The following SEM1 variants were observed in gnomAD, a reference collection of about 807,000 sequenced individuals.
SEM1 encodes 26S proteasome complex subunit SEM1.
Under a neutral mutation model 12.7 loss-of-function variants are expected in SEM1, and 3 were observed. That is an observed-to-expected ratio of 0.24 (90% CI 0.11 to 0.61). SEM1 has a LOEUF of 0.61. SEM1 is among the 20% of genes least tolerant of loss of function. SEM1 has a pLI of 0.88. For synonymous variants in SEM1, 30 were observed against 27.8 expected, an observed-to-expected ratio of 1.08 and a Z score of -0.25; for missense variants, 59 against 81.3, an observed-to-expected ratio of 0.73 and a Z score of 1.06.
At chr7:96,555,965 G>C (rs1486993854) in intron 2 of SEM1, among the ~76,000 whole-genome samples, 1 of 141,932 alleles carries the variant, frequency 7.0e-6, no homozygotes, top group East Asian at 2.1e-4. Flanking sequence ...TGTCTTTTTT[G>C]ATCTTTGCTG....
At position 96,709,732 on chromosome 7, in the gene SEM1, C is replaced by T. The variant is rs1367714564; in HGVS notation, c.32G>A (p.Gly11Asp). 1.9e-6 allele frequency: 3 copies of T among 1,613,882 alleles called. No individual in the cohort carries two copies. The highest frequency in any genetic ancestry group is 1.1e-5 in the South Asian group (1 of 91,076). Residue 11 changes from glycine to aspartate, a missense_variant, in exon 1 of 3, where the codon GGT becomes GAT. Transcript: ENST00000248566. ...AAACTCGTCGTCTTCCTCTAACAGA[C>T]CTAAGTCTACCGGCTGCTTTTTCTC... is the stretch of plus-strand genomic sequence containing the variant. MSEKKQPVDL[G>D]LLEEDDEFEE... is the part of the protein sequence containing the mutation.
At position 96,581,513 on chromosome 7, in the gene SEM1, C is replaced by T. The variant is rs528259215; in HGVS notation, c.171-74815G>A. Reference sequence around the variant, plus strand: ...TTTTTTCCAATTCTGTGAAGAAAGTCATTGGTAGCTTGATGGGGATGACAT... The same window carrying T: ...TTTTTTCCAATTCTGTGAAGAAAGTTATTGGTAGCTTGATGGGGATGACAT... On this transcript the variant is annotated intron_variant and NMD_transcript_variant, in intron 2 of 3. Coordinates refer to the SEM1 transcript ENST00000466986. Among the ~76,000 whole-genome samples the T allele has an allele frequency of 2.7e-3, 409 of 152,090 alleles. 1 individual carries two copies. Among genetic ancestry groups the T allele is most frequent in the African/African-American group, 9.3e-3 (386 of 41,424 alleles).
At chr7:96,604,734 C>T (rs1807293556) in intron 2 of SEM1, among the ~76,000 whole-genome samples, 1 of 151,966 alleles carries the variant, frequency 6.6e-6, no homozygotes, top group Admixed American at 6.6e-5. Flanking sequence ...GCCTGGCCAA[C>T]ATGGTGAAAC....
rs764629654 is a variant in SEM1, at chr7:96,534,525, C to T, written c.171-27827G>A. On this transcript the variant is annotated intron_variant and NMD_transcript_variant, in intron 2 of 3. Transcript: ENST00000466986. The stretch of plus-strand genomic sequence containing the variant: ...AGTTGATTTTAAGGTAATGGTATGA[C>T]GAACAGGAAAATTTCATTGGTAATA... Among the ~76,000 whole-genome samples, 28 of 151,984 alleles carry T rather than the reference C, an allele frequency of 1.8e-4. 1 individual carries two copies. The highest frequency in any genetic ancestry group is 3.3e-4 in the Admixed American group (5 of 15,228).
intron 2 of SEM1, among the ~76,000 whole-genome samples, chr7:96,518,143 A>T (rs2115604756): frequency 6.6e-6 from 1 of 152,268 alleles, no homozygotes; most frequent in South Asian, 2.1e-4. Context: ...CATAGATCGT[A>T]GTAGTAATCC....
chr7:96,662,871 A>G (rs1789053619), intron 2 of SEM1, among the ~76,000 whole-genome samples: 1 of 152,178 alleles, frequency 6.6e-6, no homozygotes, highest in Non-Finnish European at 1.5e-5. Flanking sequence ...ATAGGAGAAT[A>G]TTTTGTTGAA....
At chr7:96,595,213 T>A (rs1806957394) in intron 2 of SEM1, among the ~76,000 whole-genome samples, 1 of 152,120 alleles carries the variant, frequency 6.6e-6, no homozygotes, top group African/African-American at 2.4e-5. Context: ...CTTTCTTTTC[T>A]CTATATAAAA....
At chr7:96,570,515 G>A (rs1805986429) in intron 2 of SEM1, among the ~76,000 whole-genome samples, 1 of 152,084 alleles carries the variant, frequency 6.6e-6, no homozygotes, top group Non-Finnish European at 1.5e-5. Flanking sequence ...TCCCTGCAAA[G>A]GACATAAACT....
At chr7:96,709,581 CA>C in intron 1 of SEM1, 106 bp downstream of exon 1, 1 of 1,080,438 alleles carries the variant, frequency 9.3e-7, no homozygotes, top group Non-Finnish European at 1.4e-6. Context: ...CCTGGGAGTC[CA>C]AACTTCCCGC....
intron 2 of SEM1, among the ~76,000 whole-genome samples, chr7:96,529,098 A>G (rs1211175598): frequency 6.6e-6 from 1 of 152,152 alleles, no homozygotes. Flanking sequence ...CTCATCCCTT[A>G]TGATACAAAA....
At chr7:96,692,790 C>T (rs1206240769) in intron 2 of SEM1, among the ~76,000 whole-genome samples, 1 of 151,840 alleles carries the variant, frequency 6.6e-6, no homozygotes. Context: ...TTTATCTTGT[C>T]CATAAAACTA....
chr7:96,637,326 CCTT>C (rs1808460160), intron 2 of SEM1: 1 of 152,018 alleles, frequency 6.6e-6, no homozygotes, highest in Non-Finnish European at 1.5e-5. Flanking sequence ...AATAGAATGT[CCTT>C]CTCATTTCAG....
chr7:96,616,705 A>C (rs1294943504), intron 2 of SEM1, among the ~76,000 whole-genome samples: 3 of 152,136 alleles, frequency 2.0e-5, no homozygotes, highest in Non-Finnish European at 2.9e-5. Context: ...TATGTAATCC[A>C]TCTTGACTTA....
chr7:96,586,815 G>T (rs1175060485), intron 2 of SEM1, among the ~76,000 whole-genome samples: 11 of 152,108 alleles, frequency 7.2e-5, no homozygotes, highest in Admixed American at 7.2e-4. Flanking sequence ...CTTTTTGACA[G>T]ATGAGGAAAT....
intron 2 of SEM1, among the ~76,000 whole-genome samples, chr7:96,665,063 C>G (rs1353419467): frequency 6.6e-6 from 1 of 152,148 alleles, no homozygotes; most frequent in Non-Finnish European, 1.5e-5. Flanking sequence ...GCATTGGCAT[C>G]TGGGATCTCA....
At chr7:96,572,573 T>G (rs1296979771) in intron 2 of SEM1, among the ~76,000 whole-genome samples, 3 of 152,334 alleles carry the variant, frequency 2.0e-5, no homozygotes, top group African/African-American at 7.2e-5. Context: ...GTTGTTCAGT[T>G]TTCATGTAGT....
At chr7:96,628,822 T>C (rs768503600) in intron 2 of SEM1, among the ~76,000 whole-genome samples, 1 of 152,222 alleles carries the variant, frequency 6.6e-6, no homozygotes, top group Non-Finnish European at 1.5e-5. Context: ...TGTAGTAGGA[T>C]AGGTGTGGTG....
intron 3 of SEM1, among the ~76,000 whole-genome samples, chr7:96,501,559 TA>T (rs1338394016): frequency 1.3e-5 from 2 of 152,148 alleles, no homozygotes; most frequent in African/African-American, 2.4e-5. Context: ...TAGGAAAGAC[TA>T]AAAACCATCC....
intron 2 of SEM1, among the ~76,000 whole-genome samples, chr7:96,515,036 A>C (rs1196668538): frequency 3.9e-5 from 6 of 152,154 alleles, no homozygotes; most frequent in Non-Finnish European, 8.8e-5. Context: ...TATTGGTGAA[A>C]GAGTATGAAG....
Sources: gnomAD v4.1 joint callset for allele counts (sites outside exome capture counted in the v4.1 genomes callset) on GRCh38, gnomAD v4.1.1 for gene constraint, MANE v1.5 for transcripts, NCBI Gene and HGNC (gene_info 2026-07-23, HGNC 2026-07-21) for gene names.